DKK4: variants seen among roughly 807,000 people sequenced by gnomAD.
DKK4 encodes the protein dickkopf Wnt signaling pathway inhibitor 4, also known as dickkopf-related protein 4.
DKK4 carries 15 observed loss-of-function variants against 14.5 expected under a neutral mutation model. That is an observed-to-expected ratio of 1.03 (90% CI 0.69 to 1.59). The LOEUF (loss-of-function observed/expected upper bound fraction) is 1.59. Ranked by LOEUF, DKK4 falls within the 40% of genes most tolerant of loss-of-function variation. DKK4 has a pLI of 0.00. For synonymous variants in DKK4, 89 were observed against 105.2 expected, an observed-to-expected ratio of 0.85 and a Z score of 0.94; for missense variants, 272 against 280.3, an observed-to-expected ratio of 0.97 and a Z score of 0.21.
At chr8:42,383,955 ACAAT>A in the DKK4 span, among the ~76,000 whole-genome samples, 2 of 152,056 alleles carry the variant, frequency 1.3e-5, no homozygotes, top group Admixed American at 6.5e-5. Flanking sequence ...AAAAGAAAAA[ACAAT>A]CAAGTTGTGT....
At chr8:42,387,789 C>T in the DKK4 span, among the ~76,000 whole-genome samples, 1 of 152,190 alleles carries the variant, frequency 6.6e-6, no homozygotes, top group East Asian at 1.9e-4. Context: ...GTTTTCTCAT[C>T]ACCTTCTTGC....
At chr8:42,381,441 A>C (rs1183122927), upstream of DKK4, among the ~76,000 whole-genome samples, 1 of 152,160 alleles carries the variant, frequency 6.6e-6, no homozygotes, top group African/African-American at 2.4e-5. Context: ...TGAGAGACAG[A>C]GAGGAGTGGG....
upstream of DKK4, among the ~76,000 whole-genome samples, chr8:42,380,958 A>G (rs1351590252): frequency 6.6e-6 from 1 of 151,814 alleles, no homozygotes. Flanking sequence ...CGAAAGAAAG[A>G]GAAAGAAAAA....
Position 42,374,075 on chromosome 8 carries a change from T to C in DKK4, c.*25A>G. On this transcript the variant is annotated 3_prime_UTR_variant, in exon 4 of 4. Coordinates refer to ENST00000220812, the MANE Select transcript of DKK4 (RefSeq NM_014420.3). ...TCCAAGATTGAGCTCAAATGCAATGTGGATTCTTCTTTATTTTGAAATATT... is the reference window on the plus strand; with the variant it reads ...TCCAAGATTGAGCTCAAATGCAATGCGGATTCTTCTTTATTTTGAAATATT... 1 of 1,609,370 alleles carries C rather than the reference T, an allele frequency of 6.2e-7. No homozygotes were observed. The highest frequency in any genetic ancestry group is 1.1e-5 in the South Asian group (1 of 90,334).
the DKK4 span, among the ~76,000 whole-genome samples, chr8:42,387,638 G>A: frequency 6.6e-6 from 1 of 152,110 alleles, no homozygotes; most frequent in Non-Finnish European, 1.5e-5. Flanking sequence ...GGGATTACAG[G>A]TGTGAGCCAC....
chr8:42,386,433 G>C, the DKK4 span, among the ~76,000 whole-genome samples: 1 of 152,040 alleles, frequency 6.6e-6, no homozygotes, highest in Admixed American at 6.6e-5. Flanking sequence ...CCCAGAATAT[G>C]GATGTATTAT....
At chr8:42,389,949 T>C in the DKK4 span, among the ~76,000 whole-genome samples, 2 of 151,212 alleles carry the variant, frequency 1.3e-5, no homozygotes, top group Admixed American at 6.6e-5. Context: ...TGGAGTGCAA[T>C]GGCACGATCT....
At chr8:42,376,425 A>G (rs996751136) in intron 1 of DKK4, among the ~76,000 whole-genome samples, 2 of 152,220 alleles carry the variant, frequency 1.3e-5, no homozygotes, top group African/African-American at 4.8e-5. Flanking sequence ...ATATAATAAC[A>G]TATACACATA....
chr8:42,374,618 TACAG>T, intron 3 of DKK4, 139 bp downstream of exon 3: 1 of 1,292,598 alleles, frequency 7.7e-7, no homozygotes, highest in Non-Finnish European at 1.1e-6. Context: ...CACAGCTTCT[TACAG>T]AAAGAGATAA....
chr8:42,387,906 A>G, the DKK4 span, among the ~76,000 whole-genome samples: 1 of 152,134 alleles, frequency 6.6e-6, no homozygotes, highest in Non-Finnish European at 1.5e-5. Flanking sequence ...AATTTTTTTT[A>G]ACAGATAAGG....
the DKK4 span, among the ~76,000 whole-genome samples, chr8:42,390,768 G>C: frequency 0.012 from 1,867 of 152,218 alleles, 50 homozygotes; most frequent in African/African-American, 0.043. Context: ...GTTTCGTCCT[G>C]AAGAGAGGCA....
the DKK4 span, among the ~76,000 whole-genome samples, chr8:42,387,699 T>C: frequency 2.6e-5 from 4 of 152,100 alleles, no homozygotes; most frequent in Non-Finnish European, 4.4e-5. Flanking sequence ...AGTGTGAATC[T>C]AGAGCGAGCT....
chr8:42,386,505 G>A, the DKK4 span, among the ~76,000 whole-genome samples: 1 of 151,822 alleles, frequency 6.6e-6, no homozygotes, highest in African/African-American at 2.4e-5. Flanking sequence ...CTTTGCTTTT[G>A]TTTTGAGATG....
intron 3 of DKK4, 39 bp from the exon 4 acceptor site, chr8:42,374,398 G>T: frequency 6.2e-7 from 1 of 1,608,168 alleles, no homozygotes; most frequent in Non-Finnish European, 8.5e-7. Context: ...GATAAATAAG[G>T]AAAGTGGCCT....
intron 2 of DKK4, 49 bp from the exon 3 acceptor site, chr8:42,374,962 A>G: frequency 6.3e-7 from 1 of 1,589,254 alleles, no homozygotes; most frequent in Non-Finnish European, 8.6e-7. Context: ...AAGGGGGAGA[A>G]CCACAGACAC....
upstream of DKK4, among the ~76,000 whole-genome samples, chr8:42,377,896 G>A (rs148508497): frequency 7.0e-4 from 107 of 152,286 alleles, 1 homozygote; most frequent in Admixed American, 2.7e-3. Flanking sequence ...TTTCAATGGT[G>A]GGAACAATGA....
upstream of DKK4, among the ~76,000 whole-genome samples, chr8:42,381,804 C>G (rs188296136): frequency 3.3e-5 from 5 of 152,286 alleles, no homozygotes; most frequent in African/African-American, 1.2e-4. Flanking sequence ...TCAAGACCAA[C>G]CTGGCCAACA....
chr8:42,375,659 T>C (rs758028423), intron 2 of DKK4, 21 bp downstream of exon 2: 7 of 1,611,738 alleles, frequency 4.3e-6, no homozygotes, highest in South Asian at 1.1e-5. Context: ...TAAAAACCAC[T>C]GTTGGCGTTA....
In DKK4 at chr8:42,374,202, G is replaced by A. The variant is rs1024039764; in HGVS notation, c.573C>T (p.Phe191=). The A allele has an allele frequency of 6.2e-7, 1 of 1,613,196 alleles. No individual in the cohort carries two copies. Among genetic ancestry groups the A allele is most frequent in the Non-Finnish European group, 8.5e-7 (1 of 1,179,852 alleles). Reference sequence around the variant, plus strand: ...GTCCAGGGCCACAGTCGCAACGCTGGAAGATTTCTGGAGCTTGAGCAGTGT... The same window carrying A: ...GTCCAGGGCCACAGTCGCAACGCTGAAAGATTTCTGGAGCTTGAGCAGTGT... ...HKDTAQAPEI[F]QRCDCGPGLL... The change falls in exon 4 of 4, where the codon TTC becomes TTT. Residue 191 remains phenylalanine, a synonymous_variant. Coordinates refer to ENST00000220812, the MANE Select transcript of DKK4 (RefSeq NM_014420.3).
Sources: gnomAD v4.1 joint callset for allele counts (sites outside exome capture counted in the v4.1 genomes callset) on GRCh38, gnomAD v4.1.1 for gene constraint, MANE v1.5 for transcripts, NCBI Gene and HGNC (gene_info 2026-07-23, HGNC 2026-07-21) for gene names.